ADGRA3: variants seen among roughly 807,000 people sequenced by gnomAD.
The protein encoded by ADGRA3 is G-protein coupled receptor 125.
In ADGRA3, 56 loss-of-function variants were observed where a neutral mutation model predicts 119.8. The ratio of observed to expected loss-of-function variants is 0.47; its 90% CI spans 0.38 to 0.58. The LOEUF is 0.58. ADGRA3 is among the 20% of genes least tolerant of loss of function. The pLI, the probability that ADGRA3 is intolerant of heterozygous loss-of-function variation, is 0.00. For synonymous variants in ADGRA3, 607 were observed against 623.8 expected (o/e 0.97, Z 0.40); for missense variants, 1,516 against 1,649.0 (o/e 0.92, Z 1.40).
At chr4:22,454,365 A>G (rs1717169968) in intron 4 of ADGRA3, among the ~76,000 whole-genome samples, 2 of 152,180 alleles carry the variant, frequency 1.3e-5, no homozygotes, top group South Asian at 4.1e-4. Context: ...AATTCACCCC[A>G]GATCACATGG....
rs138308527 is a variant in ADGRA3 at position 22,444,189 on chromosome 4, A to T, written c.706+784T>A. Among the ~76,000 whole-genome samples, 353 of 152,308 alleles carry T rather than the reference A, an allele frequency of 2.3e-3. 2 individuals are homozygous for T. Among genetic ancestry groups the T allele is most frequent in the African/African-American group, 7.9e-3 (329 of 41,564 alleles). On this transcript the variant is annotated intron_variant, in intron 6 of 18. Transcript: ENST00000334304. Reference sequence around the variant, plus strand: ...ACCAATCCCCTATTTTTGAGAATTTAGGATATGCTTATACACAGAGTCTGA... The same window carrying T: ...ACCAATCCCCTATTTTTGAGAATTTTGGATATGCTTATACACAGAGTCTGA...
At position 22,468,438 on chromosome 4, in the gene ADGRA3, T is replaced by C. The variant is rs553413430; in HGVS notation, c.329+5334A>G. 3.3e-5 allele frequency among the ~76,000 whole-genome samples: 5 copies of C among 152,106 alleles called. No individual in the cohort carries two copies. In the East Asian group the frequency reaches 7.7e-4, roughly 23 times the overall value. ...CACTAAATACTGGTAACAAAATATA[T>C]AGCACAATACAAGAATGTCAATTCC... On this transcript the variant is annotated intron_variant, in intron 2 of 18. Coordinates refer to ENST00000334304, the MANE Select transcript of ADGRA3 (RefSeq NM_145290.4).
At chr4:22,480,364 A>AATATTTTGC (rs1406583671) in intron 1 of ADGRA3, among the ~76,000 whole-genome samples, 1 of 152,122 alleles carries the variant, frequency 6.6e-6, no homozygotes, top group African/African-American at 2.4e-5. Context: ...ACAGCCACTC[A>AATATTTTGC]ATATTTTGCT....
chr4:22,394,428 T>C (rs1358958710), intron 16 of ADGRA3: 1 of 152,232 alleles, frequency 6.6e-6, no homozygotes, highest in Non-Finnish European at 1.5e-5. Flanking sequence ...TGGTTCCCAT[T>C]AGTTTTGCTG....
chr4:22,388,483 G>A lies in ADGRA3; in HGVS notation c.3188C>T (p.Pro1063Leu). 6.2e-7 allele frequency: 1 copy of A among 1,614,026 alleles called. No individual in the cohort carries two copies. The change falls in exon 19 of 19, where the codon CCA (proline) becomes CTA (leucine). Residue 1063 changes from proline (P) to leucine (L), a missense_variant. Physicochemically the swap from Pro to Leu is moderately conservative, Grantham distance 98. Around this residue, in one of 2 missense-constraint regions of ADGRA3, gnomAD observed 1,088 missense variants for 1,107.1 expected, o/e 0.98. Coordinates refer to ENST00000334304, the MANE Select transcript of ADGRA3 (RefSeq NM_145290.4). ...TTGCACTGAATACGAGCTCCGTCCTGGGCAGCAAGTCATGATCCACGCAAG... is the reference window on the plus strand; with the variant it reads ...TTGCACTGAATACGAGCTCCGTCCTAGGCAGCAAGTCATGATCCACGCAAG... ...VRLAWIMTCC[P>L]GRSSYSVQVN...
chr4:22,424,186 C>T lies in ADGRA3; in HGVS notation c.1605+5G>A, dbSNP rs1005043759. Reference sequence around the variant, plus strand: ...CTCAGGAGTCTATGATAATGTTACACTTACTGTTGAATAAACGTGAGCTCC... The same window carrying T: ...CTCAGGAGTCTATGATAATGTTACATTTACTGTTGAATAAACGTGAGCTCC... On this transcript the variant is annotated splice_donor_5th_base_variant and intron_variant, in intron 11 of 18. Transcript: ENST00000334304. 4.4e-6 allele frequency: 7 copies of T among 1,607,034 alleles called. No homozygotes were observed. The African/African-American group carries it at 5.3e-5, about 12-fold the overall frequency.
intron 1 of ADGRA3, among the ~76,000 whole-genome samples, chr4:22,501,256 A>G (rs1719039004): frequency 6.6e-6 from 1 of 152,218 alleles, no homozygotes; most frequent in Non-Finnish European, 1.5e-5. Flanking sequence ...GGGTTCCATC[A>G]AAACAAGAAA....
At position 22,388,655 on chromosome 4, in the gene ADGRA3, A is replaced by G. The variant is rs376335542; in HGVS notation, c.3016T>C (p.Tyr1006His). 70 of 1,613,982 alleles carry G rather than the reference A, an allele frequency of 4.3e-5. No homozygotes were observed. The highest frequency in any genetic ancestry group is 5.3e-5 in the Non-Finnish European group (62 of 1,180,020). ...GCCCCAAACATCCACAGTGCAACATATAAGAGCAAAGTAAGGCTGGCCCCC... is the reference window on the plus strand; with the variant it reads ...GCCCCAAACATCCACAGTGCAACATGTAAGAGCAAAGTAAGGCTGGCCCCC... ...LLGASLTLLL[Y>H]VALWMFGALA... Residue 1006 changes from tyrosine (Y) to histidine (H), a missense_variant, in exon 19 of 19, where the codon TAT becomes CAT. By Grantham distance (83) the Tyr-to-His change is moderately conservative. Around this residue, in one of 2 missense-constraint regions of ADGRA3, gnomAD observed 1,088 missense variants for 1,107.1 expected, o/e 0.98. Coordinates refer to ENST00000334304, the MANE Select transcript of ADGRA3 (RefSeq NM_145290.4).
At chr4:22,438,172 G>T in intron 8 of ADGRA3, 84 bp downstream of exon 8, 1 of 1,161,422 alleles carries the variant, frequency 8.6e-7, no homozygotes, top group Non-Finnish European at 1.3e-6. Context: ...TTGTTACTCA[G>T]GACAGGAAAC....
chr4:22,388,326 T>A lies in ADGRA3; in HGVS notation c.3345A>T (p.Leu1115Phe). ...GAGCTGCAGCCGCCTGCAAGTTTGT[T>A]AATTTGCAGCCCTGGGAGGAATTTT... is the stretch of plus-strand genomic sequence containing the variant. The part of the protein sequence containing the change: ...SFKNSSQGCK[L>F]TNLQAAAAQC... The change falls in exon 19 of 19, where the codon TTA (leucine) becomes TTT (phenylalanine). Residue 1115 changes from leucine to phenylalanine, a missense_variant. By Grantham distance (22) the Leu-to-Phe change is conservative. This residue lies in a region of ADGRA3 where 1,088 missense variants were observed against 1,107.1 expected (regional missense o/e 0.98). Coordinates refer to ENST00000334304, the MANE Select transcript of ADGRA3 (RefSeq NM_145290.4). 6.2e-7 allele frequency: 1 copy of A among 1,614,122 alleles called. No homozygotes were observed. Among genetic ancestry groups the A allele is most frequent in the Non-Finnish European group, 8.5e-7 (1 of 1,180,004 alleles).
chr4:22,443,849 C>T (rs1427757758), intron 6 of ADGRA3, among the ~76,000 whole-genome samples: 2 of 151,910 alleles, frequency 1.3e-5, no homozygotes, highest in Non-Finnish European at 1.5e-5. Context: ...TATTTATTTG[C>T]ACAAATCTTA....
chr4:22,442,358 G>A (rs918488371), intron 7 of ADGRA3, among the ~76,000 whole-genome samples: 1 of 152,042 alleles, frequency 6.6e-6, no homozygotes, highest in Non-Finnish European at 1.5e-5. Context: ...GAAATAGTTG[G>A]AAATTAGGTT....
chr4:22,512,644 G>A (rs897985860), intron 1 of ADGRA3, among the ~76,000 whole-genome samples: 13 of 152,294 alleles, frequency 8.5e-5, no homozygotes, highest in Non-Finnish European at 1.9e-4. Flanking sequence ...AAGGCCAATG[G>A]AAGGCAGATG....
chr4:22,452,113 T>C (rs191970754), intron 4 of ADGRA3, among the ~76,000 whole-genome samples: 1 of 152,304 alleles, frequency 6.6e-6, no homozygotes, highest in East Asian at 1.9e-4. Flanking sequence ...CAATGTTGAA[T>C]GGTAAGAAGT....
chr4:22,492,718 T>C (rs1423472372), intron 1 of ADGRA3, among the ~76,000 whole-genome samples: 1 of 152,224 alleles, frequency 6.6e-6, no homozygotes, highest in African/African-American at 2.4e-5. Flanking sequence ...AAAAGATGGC[T>C]TTTTTCTAAA....
Position 22,413,808 on chromosome 4 carries a change from T to C in ADGRA3, c.1816A>G (p.Ile606Val), listed in dbSNP as rs1225630558. Residue 606 changes from isoleucine to valine, a missense_variant, in exon 13 of 19, where the codon ATT (isoleucine) becomes GTT (valine). Coordinates refer to ENST00000334304, the MANE Select transcript of ADGRA3 (RefSeq NM_145290.4). ...TFSSLALKNT[I>V]VEASIQLPPS... Reference sequence around the variant, plus strand: ...GGAAGCTGAATAGAAGCCTCCACAATAGTATTCTGAAAAAATATATATACA... The same window carrying C: ...GGAAGCTGAATAGAAGCCTCCACAACAGTATTCTGAAAAAATATATATACA... 3.1e-6 allele frequency: 5 copies of C among 1,601,090 alleles called. No homozygotes were observed. Among genetic ancestry groups the C allele is most frequent in the South Asian group, 1.1e-5 (1 of 88,504 alleles).
chr4:22,392,876 T>A (rs1473172889), intron 16 of ADGRA3, 186 bp from the exon 17 acceptor site: 2 of 539,742 alleles, frequency 3.7e-6, no homozygotes, highest in African/African-American at 3.8e-5. Flanking sequence ...ATCACAATCC[T>A]CAAATACACA....
At chr4:22,417,637 T>C (rs570698528) in intron 12 of ADGRA3, among the ~76,000 whole-genome samples, 1 of 152,250 alleles carries the variant, frequency 6.6e-6, no homozygotes, top group East Asian at 1.9e-4. Context: ...ACAGTCTTAG[T>C]CACTGTATCA....
intron 3 of ADGRA3, among the ~76,000 whole-genome samples, chr4:22,458,618 T>A (rs1468456644): frequency 6.6e-6 from 1 of 152,194 alleles, no homozygotes; most frequent in Non-Finnish European, 1.5e-5. Flanking sequence ...CTGACACCGA[T>A]CACCACCTTA....
Sources: allele counts gnomAD v4.1 joint callset (sites outside exome capture counted in the v4.1 genomes callset), GRCh38; gene constraint gnomAD v4.1.1; regional missense constraint gnomAD v4.1.1; transcripts MANE v1.5; gene names NCBI Gene and HGNC (gene_info 2026-07-23, HGNC 2026-07-21).